Variants in CAPZA2 observed in about 807,000 individuals in gnomAD.
The protein encoded by CAPZA2 is F-actin-capping protein subunit alpha-2.
A neutral mutation model predicts 44.0 loss-of-function variants in CAPZA2; 13 were observed. The ratio of observed to expected loss-of-function variants is 0.30; its 90% confidence interval spans 0.19 to 0.47. CAPZA2 has a LOEUF of 0.47. Ranked by LOEUF, CAPZA2 falls within the 20% of genes least tolerant of loss-of-function variation. The pLI, the probability that CAPZA2 is intolerant of heterozygous loss-of-function variation, is 1.00. For synonymous variants in CAPZA2, 94 were observed against 108.2 expected, an observed-to-expected ratio of 0.87 and a Z score of 0.81; for missense variants, 244 against 338.6, an observed-to-expected ratio of 0.72 and a Z score of 2.19.
chr7:116,891,677 A>G (rs750586249), intron 2 of CAPZA2, among the ~76,000 whole-genome samples: 21 of 152,024 alleles, frequency 1.4e-4, no homozygotes, highest in Non-Finnish European at 2.9e-4. Context: ...ACGCCCGGCT[A>G]GTTTTTTGTA....
chr7:116,880,644 G>A (rs984514273), intron 1 of CAPZA2, among the ~76,000 whole-genome samples: 6 of 130,494 alleles, frequency 4.6e-5, no homozygotes, highest in South Asian at 2.7e-4. Context: ...TGATCCACCC[G>A]CCTCGGCCTC....
At chr7:116,890,509 TAAAAAA>T (rs1159101707) in intron 2 of CAPZA2, among the ~76,000 whole-genome samples, 3 of 29,234 alleles carry the variant, frequency 1.0e-4, no homozygotes, top group Admixed American at 5.3e-4. Context: ...TGTCTCTACT[TAAAAAA>T]AAAAAAAAAA....
intron 3 of CAPZA2, among the ~76,000 whole-genome samples, chr7:116,894,878 A>G (rs1184128961): frequency 6.6e-6 from 1 of 152,074 alleles, no homozygotes; most frequent in African/African-American, 2.4e-5. Context: ...TGTATAGCAC[A>G]TTTTGTTTAT....
chr7:116,878,553 C>G (rs73473203), intron 1 of CAPZA2, among the ~76,000 whole-genome samples: 5,713 of 152,264 alleles, frequency 0.038, 351 homozygotes, highest in African/African-American at 0.13. Context: ...AAAATCTTGG[C>G]TACAGATCAT....
intron 1 of CAPZA2, among the ~76,000 whole-genome samples, chr7:116,880,754 G>A (rs1439316595): frequency 4.0e-5 from 4 of 99,522 alleles, no homozygotes; most frequent in Non-Finnish European, 7.7e-5. Context: ...TTGCTCTGTC[G>A]CCCAGGCTGG....
chr7:116,901,190 A>T (rs1796989867), intron 4 of CAPZA2, among the ~76,000 whole-genome samples: 1 of 152,210 alleles, frequency 6.6e-6, no homozygotes, highest in Non-Finnish European at 1.5e-5. Flanking sequence ...TCATTCTATT[A>T]TAAAGAAACA....
rs552964341 is a variant in CAPZA2 at position 116,922,008 on chromosome 7, C to G, written c.*4141C>G. On this transcript the variant is annotated 3_prime_UTR_variant, in exon 10 of 10. Coordinates refer to ENST00000361183, the MANE Select transcript of CAPZA2 (RefSeq NM_006136.3). ...TTTTCCTCATTTGGGATTTTGGAAACTAAAATAGTAGTAAGAGCATTAAAA... is the reference window on the plus strand; with the variant it reads ...TTTTCCTCATTTGGGATTTTGGAAAGTAAAATAGTAGTAAGAGCATTAAAA... 2 of 151,896 alleles carry G rather than the reference C, an allele frequency of 1.3e-5. No individual in the cohort carries two copies. Among genetic ancestry groups the G allele is most frequent in the Non-Finnish European group, 2.9e-5 (2 of 67,982 alleles). The allele number at this position is 151,896 out of a possible 1,614,324, so 9.4% of individuals were successfully genotyped here.
intron 5 of CAPZA2, among the ~76,000 whole-genome samples, chr7:116,905,575 C>T (rs1053126499): frequency 3.9e-5 from 6 of 152,194 alleles, no homozygotes; most frequent in African/African-American, 1.2e-4. Context: ...ATCTAGCTCT[C>T]TGATTATTTG....
chr7:116,880,147 G>A, intron 1 of CAPZA2: 1 of 467,212 alleles, frequency 2.1e-6, no homozygotes, highest in South Asian at 1.6e-5. Flanking sequence ...AGTAAATGAA[G>A]GTAAATATAT....
intron 1 of CAPZA2, among the ~76,000 whole-genome samples, chr7:116,868,539 C>G (rs926007186): frequency 4.6e-5 from 7 of 152,150 alleles, no homozygotes; most frequent in Non-Finnish European, 1.0e-4. Context: ...TTGAGACCAG[C>G]CTGGCCAACA....
At chr7:116,866,845 C>T (rs935477471) in intron 1 of CAPZA2, among the ~76,000 whole-genome samples, 1 of 152,164 alleles carries the variant, frequency 6.6e-6, no homozygotes, top group African/African-American at 2.4e-5. Flanking sequence ...TTCATGTTCA[C>T]TGGAGATGGT....
intron 1 of CAPZA2, among the ~76,000 whole-genome samples, chr7:116,881,347 A>T (rs1030452804): frequency 2.6e-5 from 4 of 152,214 alleles, no homozygotes; most frequent in Non-Finnish European, 5.9e-5. Flanking sequence ...GTTAGAAAAA[A>T]TACAGGAGAA....
chr7:116,901,851 A>G (rs1346775221), intron 4 of CAPZA2, among the ~76,000 whole-genome samples: 7 of 149,774 alleles, frequency 4.7e-5, no homozygotes, highest in East Asian at 1.9e-4. Flanking sequence ...GTTTATGTGG[A>G]AAAAAAAACA....
intron 1 of CAPZA2, among the ~76,000 whole-genome samples, chr7:116,876,580 A>G (rs2115886451): frequency 6.6e-6 from 1 of 152,308 alleles, no homozygotes; most frequent in Middle Eastern, 3.4e-3. Flanking sequence ...CTTAAAACAT[A>G]TTTTTGAGTA....
chr7:116,900,347 G>A (rs1277437278), intron 4 of CAPZA2, among the ~76,000 whole-genome samples: 2 of 150,980 alleles, frequency 1.3e-5, no homozygotes, highest in East Asian at 3.9e-4. Context: ...AAACTTATTT[G>A]TGACATGATT....
chr7:116,920,593 G>C lies in CAPZA2; in HGVS notation c.*2726G>C, dbSNP rs1202952554. 3.3e-5 allele frequency: 5 copies of C among 152,390 alleles called. No homozygotes were observed. The highest frequency in any genetic ancestry group is 1.2e-4 in the African/African-American group (5 of 41,448). The allele number at this position is 152,390 out of a possible 1,614,324, so 9.4% of individuals were successfully genotyped here. A position where few individuals can be genotyped will look rare whatever the true frequency, so the allele number is the denominator to read the frequency against. On this transcript the variant is annotated 3_prime_UTR_variant, in exon 10 of 10. Transcript: ENST00000361183. The stretch of plus-strand genomic sequence containing the variant: ...CATGTCTGGGGCTGGAGAAATTGAG[G>C]AAGATTCTTGTAGGAGCAAGTTGGT...
intron 8 of CAPZA2, among the ~76,000 whole-genome samples, chr7:116,914,619 G>T (rs1294933877): frequency 6.6e-6 from 1 of 152,014 alleles, no homozygotes; most frequent in Non-Finnish European, 1.5e-5. Flanking sequence ...GTGCCACCAT[G>T]CCCAGCTAAT....
chr7:116,879,120 GTC>G (rs1796656358), intron 1 of CAPZA2, among the ~76,000 whole-genome samples: 1 of 88,020 alleles, frequency 1.1e-5, no homozygotes, highest in Admixed American at 1.8e-4. Context: ...GCATAACTCT[GTC>G]TCAAAAAAAA....
chr7:116,868,598 G>T (rs936972665), intron 1 of CAPZA2, among the ~76,000 whole-genome samples: 2 of 152,138 alleles, frequency 1.3e-5, no homozygotes, highest in Non-Finnish European at 2.9e-5. Context: ...GCTGGGCGTG[G>T]TGTCGTGCAC....
Sources: allele counts gnomAD v4.1 joint callset (sites outside exome capture counted in the v4.1 genomes callset), GRCh38; gene constraint gnomAD v4.1.1; transcripts MANE v1.5; gene names NCBI Gene and HGNC (gene_info 2026-07-23, HGNC 2026-07-21).